VRK1: variants seen among roughly 807,000 people sequenced by gnomAD.
VRK1 encodes the protein serine/threonine-protein kinase VRK1.
A neutral mutation model predicts 57.1 loss-of-function variants in VRK1; 33 were observed. The observed-to-expected ratio is 0.58, with a 90% confidence interval of 0.44 to 0.77. The LOEUF (loss-of-function observed/expected upper bound fraction) is 0.77, where lower values mean the gene tolerates loss of function less well. VRK1 is among the 30% of genes least tolerant of loss of function. The pLI is 0.00. For synonymous variants in VRK1, 137 were observed against 147.8 expected, an observed-to-expected ratio of 0.93 and a Z score of 0.53; for missense variants, 413 against 477.3, an observed-to-expected ratio of 0.87 and a Z score of 1.25.
intron 12 of VRK1, among the ~76,000 whole-genome samples, chr14:96,876,561 C>T (rs565537952): frequency 6.6e-6 from 1 of 152,226 alleles, no homozygotes; most frequent in East Asian, 1.9e-4. Context: ...GAGACCAGAA[C>T]TCTTAACTGT....
intron 11 of VRK1, among the ~76,000 whole-genome samples, chr14:96,866,137 A>G (rs551792274): frequency 6.6e-6 from 1 of 151,914 alleles, no homozygotes; most frequent in East Asian, 1.9e-4. Flanking sequence ...TATCTTATTC[A>G]TATTGGATAA....
chr14:96,859,940 C>T (rs1208976801), intron 10 of VRK1, among the ~76,000 whole-genome samples: 2 of 152,064 alleles, frequency 1.3e-5, no homozygotes, highest in Non-Finnish European at 2.9e-5. Context: ...GAGTCATTAG[C>T]TCAAAAATGA....
intron 1 of VRK1, among the ~76,000 whole-genome samples, chr14:96,810,471 A>G (rs1025471382): frequency 6.6e-6 from 1 of 152,150 alleles, no homozygotes; most frequent in African/African-American, 2.4e-5. Flanking sequence ...CAAAGTCCCC[A>G]GGAATTTGTT....
chr14:96,804,878 C>T (rs1326887840), intron 1 of VRK1, among the ~76,000 whole-genome samples: 1 of 152,182 alleles, frequency 6.6e-6, no homozygotes, highest in Non-Finnish European at 1.5e-5. Context: ...TTGCTGCTGT[C>T]CTCAGTGATG....
intron 2 of VRK1, among the ~76,000 whole-genome samples, chr14:96,836,272 A>T (rs1035911668): frequency 6.6e-6 from 1 of 151,636 alleles, no homozygotes; most frequent in Non-Finnish European, 1.5e-5. Flanking sequence ...TTGCCCCTAT[A>T]CTCCATTCTC....
chr14:96,801,430 A>G (rs1432706144), intron 1 of VRK1, among the ~76,000 whole-genome samples: 1 of 152,248 alleles, frequency 6.6e-6, no homozygotes, highest in African/African-American at 2.4e-5. Flanking sequence ...TGTCTGGAAG[A>G]CACAGGGAGA....
chr14:96,825,595 CAG>C (rs1385710035), intron 1 of VRK1, among the ~76,000 whole-genome samples: 2 of 152,120 alleles, frequency 1.3e-5, no homozygotes, highest in Admixed American at 1.3e-4. Context: ...GAGGTACAAA[CAG>C]TACTGAAACT....
intron 11 of VRK1, among the ~76,000 whole-genome samples, chr14:96,862,171 G>A (rs1162305824): frequency 6.6e-6 from 1 of 151,152 alleles, no homozygotes; most frequent in East Asian, 2.0e-4. Flanking sequence ...AGTTTCTGCA[G>A]GTTGGCTGAC....
chr14:96,824,124 T>A (rs1024118360), intron 1 of VRK1, among the ~76,000 whole-genome samples: 2 of 152,220 alleles, frequency 1.3e-5, no homozygotes, highest in African/African-American at 2.4e-5. Context: ...AGCACATTTT[T>A]AAATATATAA....
At chr14:96,838,108 T>G (rs1168612031) in intron 3 of VRK1, among the ~76,000 whole-genome samples, 1 of 152,126 alleles carries the variant, frequency 6.6e-6, no homozygotes, top group Non-Finnish European at 1.5e-5. Flanking sequence ...AAATTTCAGC[T>G]ACTTTTATGG....
chr14:96,873,745 G>T (rs1888918505), intron 11 of VRK1, among the ~76,000 whole-genome samples: 1 of 152,168 alleles, frequency 6.6e-6, no homozygotes, highest in Admixed American at 6.5e-5. Context: ...TTTACTCATT[G>T]CCTTATAAAA....
chr14:96,853,018 C>G, intron 6 of VRK1, 56 bp from the exon 7 acceptor site: 1 of 1,605,320 alleles, frequency 6.2e-7, no homozygotes, highest in South Asian at 1.1e-5. Flanking sequence ...AAGCTTGGTC[C>G]TCTGCTGGCT....
chr14:96,870,890 A>G (rs1454471454), intron 11 of VRK1, among the ~76,000 whole-genome samples: 1 of 152,174 alleles, frequency 6.6e-6, no homozygotes, highest in Admixed American at 6.5e-5. Context: ...TTAGTAAGCC[A>G]AGCTGAAGGG....
At chr14:96,853,690 T>G (rs1888039028) in intron 7 of VRK1, among the ~76,000 whole-genome samples, 1 of 152,142 alleles carries the variant, frequency 6.6e-6, no homozygotes, top group Admixed American at 6.5e-5. Flanking sequence ...TAATTTTTAC[T>G]TTCTAAGGAA....
chr14:96,800,017 T>A (rs1236061610), intron 1 of VRK1, among the ~76,000 whole-genome samples: 1 of 151,958 alleles, frequency 6.6e-6, no homozygotes, highest in African/African-American at 2.4e-5. Context: ...TAGGGCGCCT[T>A]TGAAAAACTG....
intron 12 of VRK1, 98 bp downstream of exon 12, chr14:96,876,218 T>C: frequency 5.5e-6 from 6 of 1,083,538 alleles, no homozygotes; most frequent in East Asian, 2.4e-5. Context: ...CATGACCTTT[T>C]GATTTTATAA....
intron 1 of VRK1, among the ~76,000 whole-genome samples, chr14:96,805,850 T>TACA (rs1885852240): frequency 6.6e-6 from 1 of 152,214 alleles, no homozygotes; most frequent in Admixed American, 6.5e-5. Context: ...AAGTACCTGT[T>TACA]CTGTTTGATT....
chr14:96,843,232 T>C lies in VRK1; in HGVS notation c.217-2863T>C, dbSNP rs558581534. ...GAAAGAAATTTTCTTTTGTGTTTTC[T>C]TGCTGACAGACTTAATATGAAATTA... On this transcript the variant is annotated intron_variant, in intron 3 of 12. Coordinates refer to ENST00000216639, the MANE Select transcript of VRK1 (RefSeq NM_003384.3). Among the ~76,000 whole-genome samples, 13 of 152,354 alleles carry C rather than the reference T, an allele frequency of 8.5e-5. 1 individual carries two copies. Among genetic ancestry groups the C allele is most frequent in the African/African-American group, 3.1e-4 (13 of 41,586 alleles).
rs142861542 is a variant in VRK1 at position 96,875,546 on chromosome 14, T to G, written c.1069-484T>G. 4.5e-3 allele frequency among the ~76,000 whole-genome samples: 688 copies of G among 152,326 alleles called. 22 individuals carry two copies. The highest frequency in any genetic ancestry group is 0.043 in the Admixed American group (653 of 15,284). ...AAATAGAATTCTACCACCAATGTTATGTGGTACAAACACTGATTTAATAAA... is the reference window on the plus strand; with the variant it reads ...AAATAGAATTCTACCACCAATGTTAGGTGGTACAAACACTGATTTAATAAA... On this transcript the variant is annotated intron_variant, in intron 11 of 12. Transcript: ENST00000216639.
Sources: allele counts gnomAD v4.1 joint callset (sites outside exome capture counted in the v4.1 genomes callset), GRCh38; gene constraint gnomAD v4.1.1; transcripts MANE v1.5; gene names NCBI Gene and HGNC (gene_info 2026-07-23, HGNC 2026-07-21).